The following RET variants were observed in gnomAD, a reference collection of about 807,000 sequenced individuals.
RET encodes ret proto-oncogene.
A neutral mutation model predicts 118.3 loss-of-function variants in RET; 19 were observed. The ratio of observed to expected loss-of-function variants is 0.16; its 90% CI spans 0.11 to 0.24. The LOEUF is 0.24. Ranked by LOEUF, RET falls within the 10% of genes least tolerant of loss-of-function variation. The pLI, the probability that RET is intolerant of heterozygous loss-of-function variation, is 1.00. For missense variants in RET, 1,219 were observed against 1,502.1 expected (o/e 0.81, Z 3.12); for synonymous variants, 597 against 644.1 (o/e 0.93, Z 1.11).
At chr10:43,111,728 C>T (rs1384706959) in intron 7 of RET, among the ~76,000 whole-genome samples, 3 of 152,174 alleles carry the variant, frequency 2.0e-5, no homozygotes, top group Non-Finnish European at 2.9e-5. Context: ...TGCAGCTTCT[C>T]GAAAGACACA....
rs1052756486 is a variant in RET, at chr10:43,077,106, G to C, written c.-153G>C. ...GAAGCAGGGCGCGCAGCAGCGCTGA[G>C]TGCCCCGGAACGTGCGTCGCGCCCC... is the stretch of plus-strand genomic sequence containing the variant. On this transcript the variant is annotated 5_prime_UTR_variant, in exon 1 of 20. Coordinates refer to ENST00000355710, the MANE Select transcript of RET (RefSeq NM_020975.6). 10 of 1,140,294 alleles carry C rather than the reference G, an allele frequency of 8.8e-6. No homozygotes were observed. The South Asian group carries it at 2.6e-4, about 30-fold the overall frequency. The allele number at this position is 1,140,294 out of a possible 1,614,324, so 70.6% of individuals were successfully genotyped here.
chr10:43,109,324 C>A, intron 6 of RET, 94 bp downstream of exon 6: 1 of 1,251,932 alleles, frequency 8.0e-7, no homozygotes, highest in Non-Finnish European at 1.1e-6. Flanking sequence ...TTGGCCCAAC[C>A]AGCACAGAGT....
In RET at chr10:43,106,343, C is replaced by T; in HGVS notation, c.868-33C>T. ...TGGGGGGTCTGAGGGGCCCATCTCGCCTGCACTGACCAACGCCCTCTGCAT... is the reference window on the plus strand; with the variant it reads ...TGGGGGGTCTGAGGGGCCCATCTCGTCTGCACTGACCAACGCCCTCTGCAT... On this transcript the variant is annotated intron_variant, in intron 4 of 19. Transcript: ENST00000355710. The surrounding 1 kb of genome is among the most constrained non-coding windows in gnomAD (Gnocchi z 5.1). 1.9e-6 allele frequency: 3 copies of T among 1,600,630 alleles called. No homozygotes were observed. The highest frequency in any genetic ancestry group is 2.5e-6 in the Non-Finnish European group (3 of 1,178,024).
Position 43,130,217 on chromosome 10 carries a change from TAAG to T in RET, c.*1949_*1951del, listed in dbSNP as rs1289870544. On this transcript the variant is annotated 3_prime_UTR_variant, in exon 20 of 20. Coordinates refer to ENST00000355710, the MANE Select transcript of RET (RefSeq NM_020975.6). ...CTAAGTATTAAGTATTACTGAGTAT[TAAG>T]TAGTAATCTGTCAGTTATTAAAATT... 7.6e-6 allele frequency: 3 copies of T among 393,958 alleles called. No homozygotes were observed. Among genetic ancestry groups the T allele is most frequent in the African/African-American group, 4.1e-5 (2 of 48,594 alleles). 24.4% of individuals were successfully genotyped at this position (393,958 alleles called of 1,614,324 possible).
chr10:43,122,241 C>T lies in RET; in HGVS notation c.2801+225C>T, dbSNP rs7923702. ...GGCCGGGCTGCAGTTCTGAAAGCTC[C>T]GGTAGAGCATGAGAGCCGAGCAGGT... is the stretch of plus-strand genomic sequence containing the variant. On this transcript the variant is annotated intron_variant, in intron 16 of 19. Transcript: ENST00000355710. Among the ~76,000 whole-genome samples, 1,976 of 152,258 alleles carry T rather than the reference C, an allele frequency of 0.013. 44 individuals are homozygous for T. The highest frequency in any genetic ancestry group is 0.045 in the African/African-American group (1,871 of 41,552).
At chr10:43,120,301 T>C in intron 15 of RET, 98 bp downstream of exon 15, 1 of 1,521,190 alleles carries the variant, frequency 6.6e-7, no homozygotes, top group Non-Finnish European at 9.0e-7. Flanking sequence ...TACCGAAGAT[T>C]AGTGGAGCTC....
chr10:43,081,085 G>A (rs1488093438), intron 1 of RET, among the ~76,000 whole-genome samples: 3 of 152,100 alleles, frequency 2.0e-5, no homozygotes, highest in African/African-American at 7.2e-5. Flanking sequence ...GGGAATAGGG[G>A]CAAAGCAGGG....
chr10:43,097,716 G>A (rs1837550456), intron 1 of RET, among the ~76,000 whole-genome samples: 1 of 152,218 alleles, frequency 6.6e-6, no homozygotes, highest in Non-Finnish European at 1.5e-5. Context: ...GCTTTCTCCT[G>A]TTCTATTTTC....
In RET at chr10:43,114,797, G is replaced by T; in HGVS notation, c.2136+61G>T. 6.5e-7 allele frequency: 1 copy of T among 1,531,646 alleles called. No individual in the cohort carries two copies. Among genetic ancestry groups the T allele is most frequent in the Admixed American group, 2.0e-5 (1 of 50,628 alleles). The allele number at this position is 1,531,646 out of a possible 1,614,324, so 94.9% of individuals were successfully genotyped here. A position where few individuals can be genotyped will look rare whatever the true frequency, so the allele number is the denominator to read the frequency against. ...CCTCCCCAGCTGCCTTCCAGGGAGG[G>T]AGGCCAGCTGGGGAGACAGAGGCCA... On this transcript the variant is annotated intron_variant, in intron 11 of 19. Transcript: ENST00000355710. The surrounding 1 kb of genome is among the most constrained non-coding windows in gnomAD (Gnocchi z 4.6).
chr10:43,129,364 G>C lies in RET; in HGVS notation c.*1095G>C, dbSNP rs1838399949. The stretch of plus-strand genomic sequence containing the variant: ...TTACAATTCTGATGTGAAAAAGATG[G>C]TGTTTGGCTCTTATAGAGCCTGTGT... On this transcript the variant is annotated 3_prime_UTR_variant, in exon 20 of 20. Transcript: ENST00000355710. The C allele has an allele frequency of 1.3e-5, 3 of 233,730 alleles. No individual in the cohort carries two copies. Among genetic ancestry groups the C allele is most frequent in the Non-Finnish European group, 8.5e-6 (1 of 118,056 alleles). 14.5% of individuals were successfully genotyped at this position (233,730 alleles called of 1,614,324 possible).
intron 18 of RET, among the ~76,000 whole-genome samples, chr10:43,126,113 G>T (rs2133027959): frequency 6.6e-6 from 1 of 152,292 alleles, no homozygotes; most frequent in Middle Eastern, 3.4e-3. Context: ...GGGGTCCTTG[G>T]GGAAAGCTGG....
chr10:43,086,988 G>A (rs1029382278), intron 1 of RET, among the ~76,000 whole-genome samples: 4 of 152,376 alleles, frequency 2.6e-5, no homozygotes, highest in Non-Finnish European at 5.9e-5. Context: ...CCCCACTCAC[G>A]GCAGAAGGCT....
At chr10:43,097,746 G>A (rs768784287) in intron 1 of RET, among the ~76,000 whole-genome samples, 7 of 152,164 alleles carry the variant, frequency 4.6e-5, no homozygotes, top group African/African-American at 9.7e-5. Flanking sequence ...GACTCCAGAC[G>A]TCTCACCTGT....
chr10:43,094,762 T>C (rs533095372), intron 1 of RET, among the ~76,000 whole-genome samples: 6 of 152,338 alleles, frequency 3.9e-5, no homozygotes, highest in African/African-American at 1.4e-4. Context: ...AAAGCGGGTA[T>C]ATACCAGTAT....
intron 1 of RET, among the ~76,000 whole-genome samples, chr10:43,099,285 G>A (rs1263484478): frequency 6.6e-6 from 1 of 152,102 alleles, no homozygotes; most frequent in African/African-American, 2.4e-5. Context: ...AGAGGCGGGC[G>A]GATCGCCGGA....
rs781750106 is a variant in RET at position 43,102,628 on chromosome 10, G to T, written c.624G>T (p.Glu208Asp). 108 of 1,613,928 alleles carry T rather than the reference G, an allele frequency of 6.7e-5. No homozygotes were observed. The South Asian group carries it at 1.1e-3, about 16-fold the overall frequency. The change falls in exon 3 of 20, where the codon GAG becomes GAT. Residue 208 changes from glutamate to aspartate, a missense_variant and splice_region_variant. This residue lies in a region of RET where 850 missense variants were observed against 969.6 expected (regional missense o/e 0.88). Coordinates refer to ENST00000355710, the MANE Select transcript of RET (RefSeq NM_020975.6). ...PNISVAYRLL[E>D]GEGLPFRCAP... ...TCAGCGTGGCCTACAGGCTCCTGGA[G>T]GGTGAGTGCCGACCTTGTGGGGCCG...
Position 43,111,202 on chromosome 10 carries a change from C to A in RET, c.1264-5C>A, listed in dbSNP as rs9282835. 3 of 1,613,484 alleles carry A rather than the reference C, an allele frequency of 1.9e-6. No individual in the cohort carries two copies. The highest frequency in any genetic ancestry group is 2.5e-6 in the Non-Finnish European group (3 of 1,179,924). On this transcript the variant is annotated splice_region_variant and splice_polypyrimidine_tract_variant and intron_variant, in intron 6 of 19. Coordinates refer to ENST00000355710, the MANE Select transcript of RET (RefSeq NM_020975.6). ...TGGCTAAGGTGTTCCCCTGTGCCCC[C>A]CTAGATCGGGAAAGTCTGTGTGGAA...
intron 15 of RET, among the ~76,000 whole-genome samples, chr10:43,120,634 G>T (rs145059099): frequency 6.6e-6 from 1 of 152,230 alleles, no homozygotes; most frequent in Non-Finnish European, 1.5e-5. Flanking sequence ...GGCTTCTCCC[G>T]CACAGGGGCC....
At chr10:43,100,014 GATGA>G (rs1837602132) in intron 1 of RET, among the ~76,000 whole-genome samples, 1 of 152,208 alleles carries the variant, frequency 6.6e-6, no homozygotes, top group African/African-American at 2.4e-5. Flanking sequence ...ACTTTTCTTG[GATGA>G]ATGGAGTGGA....
Sources: allele counts gnomAD v4.1 joint callset (sites outside exome capture counted in the v4.1 genomes callset), GRCh38; gene constraint gnomAD v4.1.1; regional missense constraint gnomAD v4.1.1; non-coding constraint Gnocchi (gnomAD v3.1); transcripts MANE v1.5; gene names NCBI Gene and HGNC (gene_info 2026-07-23, HGNC 2026-07-21).